Variants in PRKAA2 observed in about 807,000 individuals in gnomAD.
PRKAA2 encodes protein kinase AMP-activated catalytic subunit alpha 2.
PRKAA2 carries 40 observed loss-of-function variants against 56.3 expected under a neutral mutation model. The observed-to-expected ratio is 0.71, with a 90% confidence interval of 0.55 to 0.92. The LOEUF (loss-of-function observed/expected upper bound fraction) is 0.92, where lower values mean the gene tolerates loss of function less well. Ranked by LOEUF, PRKAA2 falls within the 40% of genes least tolerant of loss-of-function variation. The pLI is 0.00. For missense variants in PRKAA2, 542 were observed against 686.9 expected (o/e 0.79, Z 2.36); for synonymous variants, 214 against 234.2 (o/e 0.91, Z 0.79).
chr1:56,656,815 C>T (rs1156298778), intron 1 of PRKAA2, among the ~76,000 whole-genome samples: 1 of 152,172 alleles, frequency 6.6e-6, no homozygotes, highest in Non-Finnish European at 1.5e-5. Context: ...TTCTGTGTTT[C>T]TGTCCTAAGT....
chr1:56,666,277 T>C (rs1557547373), intron 1 of PRKAA2, among the ~76,000 whole-genome samples: 1 of 152,192 alleles, frequency 6.6e-6, no homozygotes, highest in South Asian at 2.1e-4. Context: ...ACAGACCCTG[T>C]TCTGAAGGAG....
At chr1:56,675,624 A>T (rs76157335) in intron 2 of PRKAA2, among the ~76,000 whole-genome samples, 4,006 of 152,228 alleles carry the variant, frequency 0.026, 162 homozygotes, top group African/African-American at 0.089. Flanking sequence ...AGAAAAAATA[A>T]ATTTATGGAT....
intron 6 of PRKAA2, among the ~76,000 whole-genome samples, chr1:56,697,487 C>T (rs1045088971): frequency 6.6e-6 from 1 of 152,066 alleles, no homozygotes; most frequent in African/African-American, 2.4e-5. Flanking sequence ...TGTTCCAAAC[C>T]TCATGTATAA....
intron 1 of PRKAA2, among the ~76,000 whole-genome samples, chr1:56,664,903 C>A (rs1455868648): frequency 6.9e-6 from 1 of 145,694 alleles, no homozygotes; most frequent in Middle Eastern, 3.2e-3. Flanking sequence ...TATATACATA[C>A]ATACAAACAG....
chr1:56,674,747 A>G (rs1415639260), intron 2 of PRKAA2, among the ~76,000 whole-genome samples: 1 of 152,064 alleles, frequency 6.6e-6, no homozygotes, highest in African/African-American at 2.4e-5. Flanking sequence ...ATGTTTCTAA[A>G]TTAGTACTCA....
intron 1 of PRKAA2, among the ~76,000 whole-genome samples, chr1:56,654,623 T>C (rs953643423): frequency 6.6e-6 from 1 of 152,200 alleles, no homozygotes; most frequent in South Asian, 2.1e-4. Flanking sequence ...TTTTATCTGT[T>C]ATTGAAGTGA....
chr1:56,650,059 C>T (rs1358379480), intron 1 of PRKAA2, among the ~76,000 whole-genome samples: 2 of 151,772 alleles, frequency 1.3e-5, no homozygotes, highest in Non-Finnish European at 2.9e-5. Context: ...TGTGCCACTG[C>T]ACTCCAGCCT....
chr1:56,706,434 A>G (rs886494258), intron 8 of PRKAA2, among the ~76,000 whole-genome samples: 3 of 152,236 alleles, frequency 2.0e-5, no homozygotes, highest in African/African-American at 7.2e-5. Flanking sequence ...TCCGTGGCGT[A>G]AAAGAATCAT....
chr1:56,690,779 G>A (rs1644224397), intron 2 of PRKAA2, among the ~76,000 whole-genome samples: 1 of 152,138 alleles, frequency 6.6e-6, no homozygotes, highest in Admixed American at 6.5e-5. Context: ...CAGAAATGAG[G>A]TCTTGCTATG....
At chr1:56,665,160 G>A (rs1644026394) in intron 1 of PRKAA2, among the ~76,000 whole-genome samples, 2 of 148,872 alleles carry the variant, frequency 1.3e-5, no homozygotes, top group African/African-American at 2.5e-5. Context: ...TGCAACCTCC[G>A]CCTCCCCGGT....
At chr1:56,678,744 G>A (rs1048065901) in intron 2 of PRKAA2, among the ~76,000 whole-genome samples, 3 of 150,140 alleles carry the variant, frequency 2.0e-5, no homozygotes, top group Non-Finnish European at 3.0e-5. Flanking sequence ...TGCCCAGGCT[G>A]GAGTGCAGTA....
chr1:56,648,206 C>T (rs111312841), intron 1 of PRKAA2, among the ~76,000 whole-genome samples: 3 of 152,258 alleles, frequency 2.0e-5, no homozygotes, highest in African/African-American at 7.2e-5. Flanking sequence ...TCTTTATACC[C>T]ATTCACAGTT....
chr1:56,683,071 AT>A (rs10606990), intron 2 of PRKAA2, among the ~76,000 whole-genome samples: 20 of 87,214 alleles, frequency 2.3e-4, no homozygotes, highest in African/African-American at 6.5e-4. Context: ...AAAGAAAGGA[AT>A]TTTTTTTTTT....
intron 7 of PRKAA2, among the ~76,000 whole-genome samples, chr1:56,705,240 T>C (rs1345045284): frequency 6.6e-6 from 1 of 152,342 alleles, no homozygotes; most frequent in African/African-American, 2.4e-5. Context: ...ATGAATATTT[T>C]CTTAAAATCA....
chr1:56,694,102 A>G (rs1285773453), intron 5 of PRKAA2, among the ~76,000 whole-genome samples: 1 of 152,238 alleles, frequency 6.6e-6, no homozygotes, highest in African/African-American at 2.4e-5. Flanking sequence ...GATTTAACAT[A>G]TCTTTCATTT....
chr1:56,656,004 CAG>C (rs1479719813), intron 1 of PRKAA2, among the ~76,000 whole-genome samples: 1 of 152,042 alleles, frequency 6.6e-6, no homozygotes, highest in Non-Finnish European at 1.5e-5. Flanking sequence ...ATATCAAACA[CAG>C]AATTTTAAAT....
At position 56,709,487 on chromosome 1, in the gene PRKAA2, CA is replaced by C. The variant is rs941418903; in HGVS notation, c.*1778del. 2 of 152,044 alleles carry C rather than the reference CA, an allele frequency of 1.3e-5. No homozygotes were observed. The highest frequency in any genetic ancestry group is 2.9e-5 in the Non-Finnish European group (2 of 68,010). 9.4% of individuals were successfully genotyped at this position (152,044 alleles called of 1,614,324 possible). A position where few individuals can be genotyped will look rare whatever the true frequency, so the allele number is the denominator to read the frequency against. ...TTGAAAGACTGCCATCTTGTGGCACCAAAAGGTAATTTTTACATGATTATTT... is the reference window on the plus strand; with the variant it reads ...TTGAAAGACTGCCATCTTGTGGCACCAAAGGTAATTTTTACATGATTATTT... On this transcript the variant is annotated 3_prime_UTR_variant, in exon 9 of 9. Coordinates refer to ENST00000371244, the MANE Select transcript of PRKAA2 (RefSeq NM_006252.4).
intron 1 of PRKAA2, among the ~76,000 whole-genome samples, chr1:56,655,652 A>G (rs1189049576): frequency 6.6e-6 from 1 of 152,058 alleles, no homozygotes; most frequent in African/African-American, 2.4e-5. Context: ...TTGGAGATTA[A>G]ATTTCAGTGT....
chr1:56,675,336 G>T (rs1644105556), intron 2 of PRKAA2, among the ~76,000 whole-genome samples: 1 of 110,226 alleles, frequency 9.1e-6, no homozygotes, highest in Non-Finnish European at 1.8e-5. Flanking sequence ...GTCAGGAACT[G>T]TACCAAGCAT....
Sources: allele counts gnomAD v4.1 joint callset (sites outside exome capture counted in the v4.1 genomes callset), GRCh38; gene constraint gnomAD v4.1.1; transcripts MANE v1.5; gene names NCBI Gene and HGNC (gene_info 2026-07-23, HGNC 2026-07-21).